The following RASA2 variants were observed in gnomAD, a reference collection of about 807,000 sequenced individuals.
RASA2 encodes ras GTPase-activating protein 2.
Under a neutral mutation model 118.2 loss-of-function variants are expected in RASA2, and 155 were observed. The ratio of observed to expected loss-of-function variants is 1.31; its 90% confidence interval spans 1.15 to 1.50. RASA2 has a LOEUF of 1.50. Among genes scored for constraint, RASA2 ranks in the 40% most tolerant of loss-of-function variants. RASA2 has a pLI of 0.00. For missense variants in RASA2, 1,016 were observed against 1,009.6 expected, an observed-to-expected ratio of 1.01 and a Z score of -0.09; for synonymous variants, 353 against 349.1, an observed-to-expected ratio of 1.01 and a Z score of -0.12.
intron 5 of RASA2, among the ~76,000 whole-genome samples, chr3:141,549,492 T>C (rs1465204684): frequency 6.6e-6 from 1 of 151,198 alleles, no homozygotes; most frequent in East Asian, 1.9e-4. Flanking sequence ...TGCGTGTGTG[T>C]GTGTGTGTGT....
At chr3:141,583,223 A>G (rs1326122123) in intron 17 of RASA2, among the ~76,000 whole-genome samples, 1 of 152,184 alleles carries the variant, frequency 6.6e-6, no homozygotes, top group African/African-American at 2.4e-5. Context: ...CAGGAGTTGG[A>G]GACCAGCCTG....
rs1362665135 is a variant in RASA2 at position 141,591,515 on chromosome 3, A to T, written c.1933+4763A>T. On this transcript the variant is annotated intron_variant, in intron 19 of 23. Coordinates refer to ENST00000286364, the MANE Select transcript of RASA2 (RefSeq NM_006506.5). ...AGGACCATATTATTACTAGTGGCAT[A>T]AAGGCATATAGTAAGTATTCTTCAA... 2.0e-5 allele frequency among the ~76,000 whole-genome samples: 3 copies of T among 152,168 alleles called. No individual in the cohort carries two copies. In the East Asian group the frequency reaches 5.8e-4, roughly 29 times the overall value.
intron 9 of RASA2, among the ~76,000 whole-genome samples, chr3:141,561,041 G>A (rs1025207839): frequency 2.0e-5 from 3 of 152,024 alleles, no homozygotes; most frequent in African/African-American, 7.3e-5. Context: ...TGGTCTTTAT[G>A]TTGGCATTTT....
intron 18 of RASA2, 45 bp downstream of exon 18, chr3:141,586,143 T>C (rs760373500): frequency 1.3e-6 from 2 of 1,504,648 alleles, no homozygotes; most frequent in Non-Finnish European, 1.8e-6. Flanking sequence ...TCAGTATAGA[T>C]ATTAAGTAAG....
At chr3:141,551,189 G>A (rs375106497) in intron 5 of RASA2, among the ~76,000 whole-genome samples, 28 of 152,234 alleles carry the variant, frequency 1.8e-4, no homozygotes, top group African/African-American at 6.5e-4. Context: ...ATGTACTTGA[G>A]CTTTGTTCGG....
chr3:141,525,395 C>T (rs1271750125), intron 3 of RASA2: 1 of 152,078 alleles, frequency 6.6e-6, no homozygotes, highest in Non-Finnish European at 1.5e-5. Context: ...GTCCTCCTGT[C>T]TCAGCTTCCC....
intron 4 of RASA2, among the ~76,000 whole-genome samples, chr3:141,534,203 T>G (rs949607058): frequency 2.6e-5 from 4 of 152,162 alleles, no homozygotes; most frequent in Non-Finnish European, 4.4e-5. Flanking sequence ...ATCCTTTCTT[T>G]ATTTCTTAGG....
chr3:141,487,074 G>T lies in RASA2; in HGVS notation c.-10G>T, dbSNP rs1252146617. On this transcript the variant is annotated 5_prime_UTR_variant, in exon 1 of 24. Coordinates refer to ENST00000286364, the MANE Select transcript of RASA2 (RefSeq NM_006506.5). Reference sequence around the variant, plus strand: ...AGGCGGCAGGGCTGCGGCACGGGCCGGGCGGCACCATGGCGGCGGCGGCGC... The same window carrying T: ...AGGCGGCAGGGCTGCGGCACGGGCCTGGCGGCACCATGGCGGCGGCGGCGC... 2.0e-5 allele frequency: 27 copies of T among 1,329,640 alleles called. No individual in the cohort carries two copies. Among genetic ancestry groups the T allele is most frequent in the Non-Finnish European group, 2.2e-5 (23 of 1,027,808 alleles). The allele number at this position is 1,329,640 out of a possible 1,614,324, so 82.4% of individuals were successfully genotyped here.
At chr3:141,555,209 G>A (rs1419058242) in intron 6 of RASA2, among the ~76,000 whole-genome samples, 2 of 152,122 alleles carry the variant, frequency 1.3e-5, no homozygotes, top group Non-Finnish European at 2.9e-5. Context: ...ATGGTGAACC[G>A]AGATTGTGCC....
intron 17 of RASA2, among the ~76,000 whole-genome samples, chr3:141,584,728 C>T (rs528741026): frequency 6.6e-6 from 1 of 152,184 alleles, no homozygotes; most frequent in South Asian, 2.1e-4. Context: ...TTTTCACAAC[C>T]CTTTCACAAT....
At chr3:141,528,877 G>A (rs1472655627) in intron 3 of RASA2, among the ~76,000 whole-genome samples, 2 of 151,964 alleles carry the variant, frequency 1.3e-5, no homozygotes, top group African/African-American at 4.8e-5. Context: ...ACAAAAGAAA[G>A]TGAACTGCTT....
At chr3:141,513,279 T>G (rs1430855468) in intron 2 of RASA2, among the ~76,000 whole-genome samples, 1 of 151,860 alleles carries the variant, frequency 6.6e-6, no homozygotes, top group Non-Finnish European at 1.5e-5. Context: ...ATTTTCATTT[T>G]TTATAATTTT....
intron 17 of RASA2, among the ~76,000 whole-genome samples, chr3:141,583,003 G>A (rs1247155094): frequency 6.6e-6 from 1 of 152,164 alleles, no homozygotes; most frequent in Non-Finnish European, 1.5e-5. Flanking sequence ...GATAGGAATG[G>A]TCCTGATAGG....
At chr3:141,607,801 A>G (rs748978678) in intron 20 of RASA2, 41 bp downstream of exon 20, 2 of 1,512,430 alleles carry the variant, frequency 1.3e-6, no homozygotes, top group Admixed American at 2.3e-5. Context: ...TCTGAACTGC[A>G]TATATTACTT....
chr3:141,512,820 T>C (rs914648532), intron 2 of RASA2, among the ~76,000 whole-genome samples: 1 of 152,132 alleles, frequency 6.6e-6, no homozygotes. Context: ...CCCAGCACTT[T>C]GGGAGGCAGA....
At chr3:141,611,408 A>G (rs1192147070) in intron 23 of RASA2, among the ~76,000 whole-genome samples, 1 of 152,204 alleles carries the variant, frequency 6.6e-6, no homozygotes, top group African/African-American at 2.4e-5. Flanking sequence ...CTTTCCCTGA[A>G]ACACATGGCT....
chr3:141,565,541 T>G (rs12695740), intron 9 of RASA2, among the ~76,000 whole-genome samples: 38,466 of 152,048 alleles, frequency 0.25, 5,467 homozygotes, highest in Non-Finnish European at 0.32. Flanking sequence ...CCCATACTGT[T>G]CTTGTGGTAG....
intron 1 of RASA2, among the ~76,000 whole-genome samples, chr3:141,504,486 T>C (rs957571862): frequency 6.6e-6 from 1 of 152,176 alleles, no homozygotes; most frequent in Non-Finnish European, 1.5e-5. Flanking sequence ...GAAGTCATTC[T>C]TGACTACTCT....
chr3:141,581,015 C>G lies in RASA2; in HGVS notation c.1675-85C>G, dbSNP rs2083105303. 4 of 1,350,482 alleles carry G rather than the reference C, an allele frequency of 3.0e-6. No homozygotes were observed. The South Asian group carries it at 5.2e-5, about 18-fold the overall frequency. The allele number at this position is 1,350,482 out of a possible 1,614,324, so 83.7% of individuals were successfully genotyped here. On this transcript the variant is annotated intron_variant, in intron 16 of 23. Coordinates refer to ENST00000286364, the MANE Select transcript of RASA2 (RefSeq NM_006506.5). ...AATATATAATTGAGTCCTTTTAGGC[C>G]TTAATCCTCAGCTTAAAAATACAGT...
Sources: allele counts gnomAD v4.1 joint callset (sites outside exome capture counted in the v4.1 genomes callset), GRCh38; gene constraint gnomAD v4.1.1; transcripts MANE v1.5; gene names NCBI Gene and HGNC (gene_info 2026-07-23, HGNC 2026-07-21).